MYLK2: variants seen among roughly 807,000 people sequenced by gnomAD.
MYLK2 encodes the protein myosin light chain kinase 2, skeletal/cardiac muscle.
In MYLK2, 27 loss-of-function variants were observed where a neutral mutation model predicts 58.2. That is an observed-to-expected ratio of 0.46 (90% CI 0.34 to 0.64). The LOEUF is 0.64. MYLK2 is among the 30% of genes least tolerant of loss of function. MYLK2 has a pLI of 0.01. For missense variants in MYLK2, 676 were observed against 764.3 expected (o/e 0.88, Z 1.36); for synonymous variants, 310 against 296.7 (o/e 1.04, Z -0.46).
intron 12 of MYLK2, 27 bp downstream of exon 12, chr20:31,832,163 G>A: frequency 1.3e-6 from 2 of 1,546,716 alleles, no homozygotes; most frequent in South Asian, 1.1e-5. Context: ...GGTGGGGAGG[G>A]AGGGCTTGCT....
chr20:31,825,651 G>A (rs1280421490), intron 6 of MYLK2, among the ~76,000 whole-genome samples: 1 of 152,106 alleles, frequency 6.6e-6, no homozygotes, highest in East Asian at 1.9e-4. Context: ...TAGATAGGGA[G>A]GTGAGATCAG....
intron 8 of MYLK2, chr20:31,828,206 T>C: frequency 1.0e-6 from 1 of 985,328 alleles, no homozygotes. Context: ...GTGTATACAT[T>C]GCAGCAACTC....
chr20:31,828,864 G>T (rs1177390465), intron 8 of MYLK2, among the ~76,000 whole-genome samples: 1 of 152,190 alleles, frequency 6.6e-6, no homozygotes, highest in Non-Finnish European at 1.5e-5. Flanking sequence ...TGGATGCAGG[G>T]AATTTAGAGG....
Position 31,830,802 on chromosome 20 carries a change from A to T in MYLK2, c.1225-17A>T. 6.2e-7 allele frequency: 1 copy of T among 1,611,716 alleles called. No individual in the cohort carries two copies. Among genetic ancestry groups the T allele is most frequent in the Non-Finnish European group, 8.5e-7 (1 of 1,179,300 alleles). Reference sequence around the variant, plus strand: ...AGCTGGTCAGAGGCCCACCCAGGCCACCCCCTTTCTCCTCAGCCAGAGAAC... The same window carrying T: ...AGCTGGTCAGAGGCCCACCCAGGCCTCCCCCTTTCTCCTCAGCCAGAGAAC... On this transcript the variant is annotated splice_polypyrimidine_tract_variant and intron_variant, in intron 8 of 12. Transcript: ENST00000375985.
Position 31,824,303 on chromosome 20 carries a change from G to A in MYLK2, c.923G>A (p.Gly308Asp), listed in dbSNP as rs753248678. Residue 308 changes from glycine to aspartate, a missense_variant, in exon 6 of 13, where the codon GGC (glycine) becomes GAC (aspartate). Gly to Asp is a moderately conservative substitution (Grantham distance 94). Around this residue, in one of 2 missense-constraint regions of MYLK2, gnomAD observed 370 missense variants for 467.8 expected, o/e 0.79. Transcript: ENST00000375985. The part of the protein sequence containing the change: ...AVCTCMEKAT[G>D]LKLAAKVIKK... Reference sequence around the variant, plus strand: ...TGTACCTGCATGGAGAAAGCCACAGGCCTCAAGCTGGCAGCCAAGGTCATC... The same window carrying A: ...TGTACCTGCATGGAGAAAGCCACAGACCTCAAGCTGGCAGCCAAGGTCATC... 4.3e-6 allele frequency: 7 copies of A among 1,613,710 alleles called. No individual in the cohort carries two copies. The East Asian group carries it at 8.9e-5, about 21-fold the overall frequency.
In MYLK2 at chr20:31,823,578, G is replaced by A. The variant is rs1026490690; in HGVS notation, c.874G>A (p.Gly292Arg). The A allele has an allele frequency of 1.3e-5, 21 of 1,613,656 alleles. No individual in the cohort carries two copies. The highest frequency in any genetic ancestry group is 2.2e-5 in the East Asian group (1 of 44,898). Reference protein sequence around the residue: ...EFSMNSKEALGGGKFGAVCTC... With the variant: ...EFSMNSKEALRGGKFGAVCTC... ...CAGTATGAACTCCAAGGAGGCGCTCGGAGGGTGAGATCTGGGACCCCAGCT... is the reference window on the plus strand; with the variant it reads ...CAGTATGAACTCCAAGGAGGCGCTCAGAGGGTGAGATCTGGGACCCCAGCT... The change falls in exon 5 of 13, where the codon GGA becomes AGA. Residue 292 changes from glycine to arginine, a missense_variant. Around this residue, in one of 2 missense-constraint regions of MYLK2, gnomAD observed 370 missense variants for 467.8 expected, o/e 0.79. Coordinates refer to ENST00000375985, the MANE Select transcript of MYLK2 (RefSeq NM_033118.4).
At chr20:31,827,344 A>G in intron 8 of MYLK2, 1 of 985,092 alleles carries the variant, frequency 1.0e-6, no homozygotes, top group South Asian at 4.7e-5. Context: ...AAAGCAACAA[A>G]TATTTCTTGA....
Position 31,832,153 on chromosome 20 carries a change from G to T in MYLK2, c.1710+17G>T. ...CGCTGGAAGGTACCGCTGGATTCAG[G>T]GTGGGGAGGGAGGGCTTGCTAGTGG... On this transcript the variant is annotated intron_variant, in intron 12 of 12. Coordinates refer to ENST00000375985, the MANE Select transcript of MYLK2 (RefSeq NM_033118.4). 1 of 1,599,756 alleles carries T rather than the reference G, an allele frequency of 6.3e-7. No individual in the cohort carries two copies. Among genetic ancestry groups the T allele is most frequent in the South Asian group, 1.1e-5 (1 of 88,882 alleles).
In MYLK2 at chr20:31,834,492, G is replaced by A. The variant is rs929990459; in HGVS notation, c.*695G>A. The stretch of plus-strand genomic sequence containing the variant: ...GGTGGAGGGGGAGGGGAGAAGCCAA[G>A]GGACACAGGAGACCACCCCCGAGCT... On this transcript the variant is annotated 3_prime_UTR_variant, in exon 13 of 13. Coordinates refer to ENST00000375985, the MANE Select transcript of MYLK2 (RefSeq NM_033118.4). 1 of 152,928 alleles carries A rather than the reference G, an allele frequency of 6.5e-6. No homozygotes were observed. The highest frequency in any genetic ancestry group is 6.5e-5 in the Admixed American group (1 of 15,296). 9.5% of individuals were successfully genotyped at this position (152,928 alleles called of 1,614,324 possible).
At chr20:31,830,164 T>C (rs1262344073) in intron 8 of MYLK2, among the ~76,000 whole-genome samples, 1 of 152,106 alleles carries the variant, frequency 6.6e-6, no homozygotes, top group East Asian at 1.9e-4. Flanking sequence ...AGCTGCCAAA[T>C]GGGAATGGAT....
At chr20:31,819,743 G>GT in intron 2 of MYLK2, 111 bp downstream of exon 2, 1 of 1,292,622 alleles carries the variant, frequency 7.7e-7, no homozygotes, top group Non-Finnish European at 1.1e-6. Flanking sequence ...TGTTTGCATG[G>GT]TGCACGGGGG....
rs575056068 is a variant in MYLK2 at position 31,823,656 on chromosome 20, T to C, written c.878+74T>C. On this transcript the variant is annotated intron_variant, in intron 5 of 12. Coordinates refer to ENST00000375985, the MANE Select transcript of MYLK2 (RefSeq NM_033118.4). ...GGCTCCTGTGGCTTCACATTTCCCC[T>C]GTGCAAGGCCCAGACACACACCCCG... 10 of 1,419,308 alleles carry C rather than the reference T, an allele frequency of 7.0e-6. No homozygotes were observed. The East Asian group carries it at 2.3e-4, about 32-fold the overall frequency. The allele number at this position is 1,419,308 out of a possible 1,614,324, so 87.9% of individuals were successfully genotyped here. A position where few individuals can be genotyped will look rare whatever the true frequency, so the allele number is the denominator to read the frequency against.
At position 31,823,532 on chromosome 20, in the gene MYLK2, C is replaced by T. The variant is rs370429139; in HGVS notation, c.828C>T (p.Thr276=). The change falls in exon 5 of 13, where the codon ACC becomes ACT. Residue 276 remains threonine, a synonymous_variant. Transcript: ENST00000375985. ...PFPHRMVELR[T]GNVSSEFSMN... is the part of the protein sequence containing the mutation. ...CTCACCGCATGGTGGAGCTGAGGAC[C>T]GGGAATGTCAGCAGTGAATTCAGTA... 1.1e-4 allele frequency: 177 copies of T among 1,613,758 alleles called. No individual in the cohort carries two copies. The highest frequency in any genetic ancestry group is 1.3e-4 in the Non-Finnish European group (153 of 1,180,028).
intron 8 of MYLK2, among the ~76,000 whole-genome samples, chr20:31,828,924 G>A (rs1348381221): frequency 6.6e-6 from 1 of 152,194 alleles, no homozygotes; most frequent in Non-Finnish European, 1.5e-5. Flanking sequence ...TTGAGCCAGA[G>A]TGGCAGTGGG....
At chr20:31,824,014 A>G (rs552662393) in intron 5 of MYLK2, 1 of 985,200 alleles carries the variant, frequency 1.0e-6, no homozygotes, top group East Asian at 1.1e-4. Context: ...CATCCTCCCT[A>G]CACGCCTGCT....
At position 31,831,026 on chromosome 20, in the gene MYLK2, G is replaced by A. The variant is rs756380111; in HGVS notation, c.1309G>A (p.Glu437Lys). 9.3e-6 allele frequency: 15 copies of A among 1,614,040 alleles called. No individual in the cohort carries two copies. In the Admixed American group the frequency reaches 1.7e-4, roughly 18 times the overall value. Residue 437 changes from glutamate to lysine, a missense_variant, in exon 10 of 13, where the codon GAG becomes AAG. Coordinates refer to ENST00000375985, the MANE Select transcript of MYLK2 (RefSeq NM_033118.4). ...FGLARRYNPN[E>K]KLKVNFGTPE... The stretch of plus-strand genomic sequence containing the variant: ...TCTCACCCCCAGGTATAACCCCAAC[G>A]AGAAGCTGAAGGTGAACTTTGGGAC...
Position 31,826,878 on chromosome 20 carries a change from G to A in MYLK2, c.1164G>A (p.Arg388=), listed in dbSNP as rs779206286. The A allele has an allele frequency of 6.2e-7, 1 of 1,614,132 alleles. No homozygotes were observed. Among genetic ancestry groups the A allele is most frequent in the African/African-American group, 1.3e-5 (1 of 75,014 alleles). The change falls in exon 8 of 13, where the codon AGG becomes AGA. Residue 388 remains arginine, a synonymous_variant. Coordinates refer to ENST00000375985, the MANE Select transcript of MYLK2 (RefSeq NM_033118.4). Reference sequence around the variant, plus strand: ...AGGTGGACACCATGGTGTTTGTCAGGCAGATCTGTGACGGGATCCTCTTCA... The same window carrying A: ...AGGTGGACACCATGGTGTTTGTCAGACAGATCTGTGACGGGATCCTCTTCA... ...LTEVDTMVFV[R]QICDGILFMH... is the part of the protein sequence containing the mutation.
intron 10 of MYLK2, 61 bp downstream of exon 10, chr20:31,831,202 G>A: frequency 6.2e-7 from 1 of 1,611,782 alleles, no homozygotes; most frequent in Non-Finnish European, 8.5e-7. Flanking sequence ...AGCGGCCGAG[G>A]CCAAGATTGG....
chr20:31,827,574 A>T, intron 8 of MYLK2: 1 of 981,702 alleles, frequency 1.0e-6, no homozygotes, highest in Non-Finnish European at 1.2e-6. Context: ...GCTGGAGTGC[A>T]GTGGCGCTAT....
Sources: allele counts gnomAD v4.1 joint callset (sites outside exome capture counted in the v4.1 genomes callset), GRCh38; gene constraint gnomAD v4.1.1; regional missense constraint gnomAD v4.1.1; transcripts MANE v1.5; gene names NCBI Gene and HGNC (gene_info 2026-07-23, HGNC 2026-07-21).